Variants in ATP11A observed in about 807,000 individuals in gnomAD.
The protein encoded by ATP11A is ATPase phospholipid transporting 11A.
Under a neutral mutation model 154.4 loss-of-function variants are expected in ATP11A, and 81 were observed. The ratio of observed to expected loss-of-function variants is 0.52; its 90% confidence interval spans 0.44 to 0.63. The LOEUF (loss-of-function observed/expected upper bound fraction) is 0.63, where lower values mean the gene tolerates loss of function less well. ATP11A is among the 30% of genes least tolerant of loss of function. The probability of loss-of-function intolerance (pLI) is 0.00; values close to 1 mark genes in which losing one functional copy is unlikely to be tolerated. For missense variants in ATP11A, 1,316 were observed against 1,474.3 expected, an observed-to-expected ratio of 0.89 and a Z score of 1.76; for synonymous variants, 623 against 585.9, an observed-to-expected ratio of 1.06 and a Z score of -0.91.
Position 112,690,355 on chromosome 13 carries a change from A to G in ATP11A, c.-62A>G, listed in dbSNP as rs1055944782. 2 of 1,209,780 alleles carry G rather than the reference A, an allele frequency of 1.7e-6. No homozygotes were observed. The highest frequency in any genetic ancestry group is 3.2e-5 in the African/African-American group (2 of 63,328). The allele number at this position is 1,209,780 out of a possible 1,614,324, so 74.9% of individuals were successfully genotyped here. On this transcript the variant is annotated 5_prime_UTR_variant, in exon 1 of 30. An upstream start codon of the reference 5' UTR is lost. Transcript: ENST00000375645. This position sits in a 1 kb window ranked among gnomAD's most constrained non-coding sequence, Gnocchi z 5.6. ...CGGCCGCACTAGTACCCCGGAGCCCATGGGCGCGCCGAGCCGGGCGCGGGG... is the reference window on the plus strand; with the variant it reads ...CGGCCGCACTAGTACCCCGGAGCCCGTGGGCGCGCCGAGCCGGGCGCGGGG...
intron 25 of ATP11A, among the ~76,000 whole-genome samples, chr13:112,866,171 G>T (rs887504308): frequency 6.6e-6 from 1 of 152,156 alleles, no homozygotes; most frequent in Non-Finnish European, 1.5e-5. Context: ...CACACATATG[G>T]TAAGACAATC....
chr13:112,710,735 A>G (rs1442501644), intron 1 of ATP11A, among the ~76,000 whole-genome samples: 2 of 152,254 alleles, frequency 1.3e-5, no homozygotes, highest in African/African-American at 4.8e-5. Flanking sequence ...GGGGAAGACC[A>G]GTTCCAGTCT....
chr13:112,807,758 G>A lies in ATP11A; in HGVS notation c.333+1465G>A, dbSNP rs2078363836. Among the ~76,000 whole-genome samples the A allele has an allele frequency of 6.6e-6, 1 of 152,062 alleles. No homozygotes were observed. The highest frequency in any genetic ancestry group is 2.4e-5 in the African/African-American group (1 of 41,376). The stretch of plus-strand genomic sequence containing the variant: ...TGGAGATTAGGTGAGGGCGTCCCGT[G>A]CTATCTGTGATACATCTGTGTGGTA... On this transcript the variant is annotated intron_variant, in intron 4 of 29. Coordinates refer to ENST00000375645, the MANE Select transcript of ATP11A (RefSeq NM_015205.3). This position sits in a 1 kb window ranked among gnomAD's most constrained non-coding sequence, Gnocchi z 4.5.
chr13:112,826,747 C>T lies in ATP11A; in HGVS notation c.1077C>T (p.Ile359=). Residue 359 remains isoleucine (I), a synonymous_variant, in exon 12 of 30, where the codon ATC becomes ATT. Coordinates refer to ENST00000375645, the MANE Select transcript of ATP11A (RefSeq NM_015205.3). ...FLAFMVLFNY[I]IPVSMYVTVE... ...CCTTCATGGTCCTCTTTAACTACAT[C>T]ATCCCTGTGTCCATGTACGTCACGG... is the stretch of plus-strand genomic sequence containing the variant. 1 of 1,614,214 alleles carries T rather than the reference C, an allele frequency of 6.2e-7. No homozygotes were observed. Among genetic ancestry groups the T allele is most frequent in the East Asian group, 2.2e-5 (1 of 44,890 alleles).
intron 20 of ATP11A, chr13:112,856,859 A>G (rs2079942436): frequency 6.6e-6 from 1 of 152,268 alleles, no homozygotes; most frequent in South Asian, 2.1e-4. Context: ...CAAGGAGGTG[A>G]AAAGTTGAGC....
rs563138649 is a variant in ATP11A, at chr13:112,806,191, T to C, written c.253-22T>C. Reference sequence around the variant, plus strand: ...CTCATTTGTGTTTTTGAAGATGATTTTACAATTCTCTCTTTCTGCAGTTGA... The same window carrying C: ...CTCATTTGTGTTTTTGAAGATGATTCTACAATTCTCTCTTTCTGCAGTTGA... On this transcript the variant is annotated intron_variant, in intron 3 of 29. Coordinates refer to ENST00000375645, the MANE Select transcript of ATP11A (RefSeq NM_015205.3). The C allele has an allele frequency of 8.1e-6, 13 of 1,595,346 alleles. No homozygotes were observed. The South Asian group carries it at 1.1e-4, about 14-fold the overall frequency.
At chr13:112,736,666 A>T (rs1046969149) in intron 1 of ATP11A, among the ~76,000 whole-genome samples, 1 of 152,232 alleles carries the variant, frequency 6.6e-6, no homozygotes, top group African/African-American at 2.4e-5. Context: ...CAGGTTTTCT[A>T]TATTGAGTAC....
intron 7 of ATP11A, 31 bp downstream of exon 7, chr13:112,819,438 G>T: frequency 6.3e-7 from 1 of 1,594,862 alleles, no homozygotes; most frequent in South Asian, 1.1e-5. Context: ...CTTTAGAAAC[G>T]GTTTTTTATG....
Position 112,865,220 on chromosome 13 carries a change from C to T in ATP11A, c.2991+2645C>T, listed in dbSNP as rs1247802814. ...CAGTAATTCAGTGCAGCACGTGCAG[C>T]TTCCCAGCGGGATCCATCACCACAT... is the stretch of plus-strand genomic sequence containing the variant. On this transcript the variant is annotated intron_variant, in intron 25 of 29. Transcript: ENST00000375645. Among the ~76,000 whole-genome samples, 2 of 138,246 alleles carry T rather than the reference C, an allele frequency of 1.4e-5. 1 individual carries two copies. The highest frequency in any genetic ancestry group is 3.1e-5 in the Non-Finnish European group (2 of 64,574). The allele number at this position is 138,246 out of a possible 152,430, so 90.7% of individuals were successfully genotyped here. A position where few individuals can be genotyped will look rare whatever the true frequency, so the allele number is the denominator to read the frequency against.
At chr13:112,782,421 T>C (rs536825401) in intron 1 of ATP11A, among the ~76,000 whole-genome samples, 16 of 152,380 alleles carry the variant, frequency 1.1e-4, no homozygotes, top group East Asian at 5.8e-4. Flanking sequence ...AAAAGATATC[T>C]GTATGCTTTT....
chr13:112,851,256 C>T, intron 18 of ATP11A, 38 bp downstream of exon 18: 1 of 1,590,202 alleles, frequency 6.3e-7, no homozygotes, highest in African/African-American at 1.3e-5. Flanking sequence ...GAGAGACAAA[C>T]TGGGATGCAG....
chr13:112,795,997 C>T (rs1413742999), intron 2 of ATP11A, among the ~76,000 whole-genome samples: 2 of 152,072 alleles, frequency 1.3e-5, no homozygotes, highest in South Asian at 2.1e-4. Context: ...TCCAGAATTT[C>T]GATAGAGTAC....
chr13:112,707,325 G>C (rs1384701512), intron 1 of ATP11A, among the ~76,000 whole-genome samples: 1 of 150,924 alleles, frequency 6.6e-6, no homozygotes, highest in Non-Finnish European at 1.5e-5. Flanking sequence ...TGAGGCAGGA[G>C]ACTTGCTTGA....
intron 17 of ATP11A, 23 bp downstream of exon 17, chr13:112,842,402 C>T: frequency 6.4e-7 from 1 of 1,551,144 alleles, no homozygotes; most frequent in East Asian, 2.3e-5. Flanking sequence ...CTGGGGAGGG[C>T]CTCGTGGCGG....
intron 26 of ATP11A, 55 bp downstream of exon 26, chr13:112,871,855 T>C: frequency 6.6e-7 from 1 of 1,520,660 alleles, no homozygotes; most frequent in Non-Finnish European, 9.1e-7. Context: ...CCCTGCAGTG[T>C]AGGCCTCACG....
At chr13:112,760,846 A>G (rs756121721) in intron 1 of ATP11A, among the ~76,000 whole-genome samples, 13 of 152,226 alleles carry the variant, frequency 8.5e-5, no homozygotes, top group Non-Finnish European at 1.5e-4. Context: ...CACATTCCTC[A>G]TTCCTTCAGT....
At chr13:112,858,650 CTG>C in intron 22 of ATP11A, 1 of 200,200 alleles carries the variant, frequency 5.0e-6, no homozygotes, top group South Asian at 9.8e-5. Context: ...TGTGCCGATG[CTG>C]TGTGTACACT....
At chr13:112,748,178 C>G (rs367942942) in intron 1 of ATP11A, among the ~76,000 whole-genome samples, 27 of 152,166 alleles carry the variant, frequency 1.8e-4, no homozygotes, top group African/African-American at 6.0e-4. Flanking sequence ...TGCAAATGTC[C>G]CAAAATCCAA....
rs2080989264 is a variant in ATP11A at position 112,886,986 on chromosome 13, A to C, written c.*5120A>C. The C allele has an allele frequency of 6.6e-6, 1 of 152,264 alleles. No homozygotes were observed. Among genetic ancestry groups the C allele is most frequent in the East Asian group, 1.9e-4 (1 of 5,204 alleles). 9.4% of individuals were successfully genotyped at this position (152,264 alleles called of 1,614,324 possible). On this transcript the variant is annotated 3_prime_UTR_variant, in exon 30 of 30. Transcript: ENST00000375645. ...GAAAAATTAAATTGTTAATTAAACC[A>C]ATCTAACATTTCAGTAAAGTTTATT...
Sources: gnomAD v4.1 joint callset for allele counts (sites outside exome capture counted in the v4.1 genomes callset) on GRCh38, gnomAD v4.1.1 for gene constraint, Gnocchi (gnomAD v3.1) non-coding constraint, MANE v1.5 for transcripts, NCBI Gene and HGNC (gene_info 2026-07-23, HGNC 2026-07-21) for gene names.